The following FAM228B variants were observed in gnomAD, a reference collection of about 807,000 sequenced individuals.
The protein encoded by FAM228B is protein FAM228B.
In FAM228B, 38 loss-of-function variants were observed where a neutral mutation model predicts 42.6. The observed-to-expected ratio is 0.89, with a 90% CI of 0.69 to 1.17. The LOEUF (loss-of-function observed/expected upper bound fraction) is 1.17. FAM228B is among the 50% of genes most tolerant of loss of function. The probability of loss-of-function intolerance (pLI) is 0.00; values close to 1 mark genes in which losing one functional copy is unlikely to be tolerated. For synonymous variants in FAM228B, 109 were observed against 122.3 expected, an observed-to-expected ratio of 0.89 and a Z score of 0.72; for missense variants, 344 against 367.3, an observed-to-expected ratio of 0.94 and a Z score of 0.52.
Position 24,084,089 on chromosome 2 carries a change from G to C in FAM228B, c.-210+3134G>C. ...CCAGCGCAGCTGCCTGCTGGGTGTG[G>C]AGCGGTGCACGCCTTCACGTCTGGT... On this transcript the variant is annotated intron_variant, in intron 2 of 10. Transcript: ENST00000613899. This position sits in a 1 kb window ranked among gnomAD's most constrained non-coding sequence, Gnocchi z 8.4. 6.9e-7 allele frequency: 1 copy of C among 1,458,824 alleles called. No individual in the cohort carries two copies. The highest frequency in any genetic ancestry group is 1.4e-5 in the South Asian group (1 of 72,858). The allele number at this position is 1,458,824 out of a possible 1,614,324, so 90.4% of individuals were successfully genotyped here.
At position 24,140,543 on chromosome 2, in the gene FAM228B, C is replaced by T. The variant is rs1666718514; in HGVS notation, c.441+1093C>T. On this transcript the variant is annotated intron_variant, in intron 5 of 10. Coordinates refer to ENST00000615575, the MANE Select transcript of FAM228B (RefSeq NM_001145710.2). ...TGGAATGACTAAACCAATTAACATACATTGCATCACAAACACCAGTTTTTT... is the reference window on the plus strand; with the variant it reads ...TGGAATGACTAAACCAATTAACATATATTGCATCACAAACACCAGTTTTTT... Among the ~76,000 whole-genome samples, 4 of 152,130 alleles carry T rather than the reference C, an allele frequency of 2.6e-5. No individual in the cohort carries two copies. In the South Asian group the frequency reaches 6.2e-4, roughly 24 times the overall value.
chr2:24,085,280 G>C (rs939188679), intron 2 of FAM228B: 4 of 152,146 alleles, frequency 2.6e-5, no homozygotes, highest in African/African-American at 9.7e-5. Flanking sequence ...GCCTCCTCCT[G>C]ACAGTCCTGG....
At chr2:24,079,478 A>G (rs1365583866) in intron 1 of FAM228B, 1 of 1,614,212 alleles carries the variant, frequency 6.2e-7, no homozygotes, top group South Asian at 1.1e-5. Context: ...ACTGGTGATC[A>G]GACTTCCTCG....
At position 24,080,796 on chromosome 2, in the gene FAM228B, G is replaced by T; in HGVS notation, c.-289-80G>T. On this transcript the variant is annotated intron_variant, in intron 1 of 10. Transcript: ENST00000613899. The surrounding 1 kb of genome is among the most constrained non-coding windows in gnomAD (Gnocchi z 4.7). ...TTTAATCATCTCTTAAATTCCTGCT[G>T]AACTGTAGAAGCAGTTGTTTACCTT... 1 of 1,613,044 alleles carries T rather than the reference G, an allele frequency of 6.2e-7. No homozygotes were observed. The highest frequency in any genetic ancestry group is 1.1e-5 in the South Asian group (1 of 91,032).
At chr2:24,142,122 A>T (rs190657620) in intron 5 of FAM228B, among the ~76,000 whole-genome samples, 6 of 152,230 alleles carry the variant, frequency 3.9e-5, no homozygotes, top group Middle Eastern at 6.8e-3. Context: ...GGCACTTCCC[A>T]GACCCTGCTC....
At chr2:24,127,511 G>A (rs557288923) in intron 2 of FAM228B, among the ~76,000 whole-genome samples, 1 of 152,204 alleles carries the variant, frequency 6.6e-6, no homozygotes, top group Admixed American at 6.5e-5. Context: ...AACTTTTTGA[G>A]GAACTGCTGA....
chr2:24,129,098 A>G (rs1252834209), intron 2 of FAM228B, among the ~76,000 whole-genome samples: 1 of 152,032 alleles, frequency 6.6e-6, no homozygotes, highest in Non-Finnish European at 1.5e-5. Context: ...GACCCTTTGC[A>G]GTTCTCCAGA....
At chr2:24,147,915 C>T (rs1367751715) in intron 7 of FAM228B, among the ~76,000 whole-genome samples, 3 of 78,002 alleles carry the variant, frequency 3.8e-5, no homozygotes, top group Admixed American at 1.3e-4. Flanking sequence ...TTTTGCCTTG[C>T]CTTTTTTTTT....
intron 2 of FAM228B, among the ~76,000 whole-genome samples, chr2:24,124,719 G>A (rs932401809): frequency 6.6e-6 from 1 of 152,042 alleles, no homozygotes; most frequent in Admixed American, 6.5e-5. Context: ...TGCCTTAGCT[G>A]CATCACCCAA....
chr2:24,079,957 G>A (rs560925532), intron 1 of FAM228B, among the ~76,000 whole-genome samples: 5 of 152,280 alleles, frequency 3.3e-5, no homozygotes, highest in African/African-American at 7.2e-5. Context: ...AATACAGGAG[G>A]CCCAACCTAG....
Position 24,138,022 on chromosome 2 carries a change from A to G in FAM228B, c.282A>G (p.Glu94=). ...VADPLQKKII[E]KVCSHKKIKK... ...ATCCTCTTCAGAAGAAAATTATAGA[A>G]AAAGTTTGCTCACATAAGAAGATTA... The change falls in exon 4 of 11, where the codon GAA becomes GAG. Residue 94 remains glutamate (E), a synonymous_variant. Coordinates refer to ENST00000615575, the MANE Select transcript of FAM228B (RefSeq NM_001145710.2). 1.9e-6 allele frequency: 3 copies of G among 1,547,744 alleles called. No homozygotes were observed. The East Asian group carries it at 7.3e-5, about 38-fold the overall frequency.
intron 7 of FAM228B, among the ~76,000 whole-genome samples, chr2:24,152,513 G>A (rs758020136): frequency 9.2e-5 from 14 of 152,228 alleles, no homozygotes; most frequent in Non-Finnish European, 1.3e-4. Flanking sequence ...CAATAATACT[G>A]TGGTTTTTGC....
intron 9 of FAM228B, chr2:24,165,321 G>A: frequency 1.5e-5 from 7 of 469,442 alleles, no homozygotes; most frequent in Admixed American, 9.4e-5. Flanking sequence ...TCCTTACAGA[G>A]AGGCCCTACA....
In FAM228B at chr2:24,168,773, G is replaced by A. The variant is rs183386860; in HGVS notation, c.*15-583G>A. On this transcript the variant is annotated intron_variant, in intron 10 of 10. Coordinates refer to ENST00000615575, the MANE Select transcript of FAM228B (RefSeq NM_001145710.2). ...AGAGGGGGTATAATAGAAGGGCAGA[G>A]TCCTTCCACAGGTGAGGAGGCAGCA... 4.6e-5 allele frequency among the ~76,000 whole-genome samples: 7 copies of A among 152,238 alleles called. No homozygotes were observed. The East Asian group carries it at 1.2e-3, about 25-fold the overall frequency.
intron 3 of FAM228B, among the ~76,000 whole-genome samples, chr2:24,113,082 T>TGTGA (rs2151000419): frequency 6.6e-6 from 1 of 152,244 alleles, no homozygotes; most frequent in South Asian, 2.1e-4. Flanking sequence ...CAACTTGCCT[T>TGTGA]CCCCACTAAA....
At chr2:24,081,996 A>G (rs531404568) in intron 2 of FAM228B, among the ~76,000 whole-genome samples, 5 of 147,192 alleles carry the variant, frequency 3.4e-5, no homozygotes, top group African/African-American at 1.3e-4. Context: ...CGCCCAGCCT[A>G]CTCTTTCTTT....
chr2:24,151,751 C>T (rs1296484750), intron 7 of FAM228B, among the ~76,000 whole-genome samples: 10 of 151,726 alleles, frequency 6.6e-5, no homozygotes, highest in South Asian at 2.1e-4. Flanking sequence ...GGTGCAATCT[C>T]GGCTCACTGT....
At chr2:24,130,280 G>A (rs1666425169) in intron 2 of FAM228B, among the ~76,000 whole-genome samples, 1 of 152,128 alleles carries the variant, frequency 6.6e-6, no homozygotes, top group African/African-American at 2.4e-5. Context: ...TACATGTGCA[G>A]ATGTCTTTAT....
exon 1 of FAM228B, chr2:24,076,937 G>T (rs1664776109): frequency 6.1e-6 from 1 of 163,886 alleles, no homozygotes; most frequent in South Asian, 1.1e-4. Flanking sequence ...CGAAGGCGGG[G>T]CCTGAGGAGG....
Sources: allele counts gnomAD v4.1 joint callset (sites outside exome capture counted in the v4.1 genomes callset), GRCh38; gene constraint gnomAD v4.1.1; non-coding constraint Gnocchi (gnomAD v3.1); transcripts MANE v1.5; gene names NCBI Gene and HGNC (gene_info 2026-07-23, HGNC 2026-07-21).